ROBO1: variants seen among roughly 807,000 people sequenced by gnomAD.
The protein encoded by ROBO1 is roundabout homolog 1.
A neutral mutation model predicts 195.9 loss-of-function variants in ROBO1; 149 were observed. The observed-to-expected ratio is 0.76, with a 90% CI of 0.67 to 0.87. The LOEUF (loss-of-function observed/expected upper bound fraction) is 0.87, where lower values mean the gene tolerates loss of function less well. Among genes scored for constraint, ROBO1 ranks in the 40% least tolerant of loss-of-function variants. The probability of loss-of-function intolerance (pLI) is 0.00; values close to 1 mark genes in which losing one functional copy is unlikely to be tolerated. For synonymous variants in ROBO1, 816 were observed against 733.2 expected, an observed-to-expected ratio of 1.11 and a Z score of -1.82; for missense variants, 1,933 against 2,068.3, an observed-to-expected ratio of 0.93 and a Z score of 1.27.
At position 78,964,967 on chromosome 3, in the gene ROBO1, CTA is replaced by C. The variant is rs1317529042; in HGVS notation, c.173-26042_173-26041del. 2.6e-5 allele frequency among the ~76,000 whole-genome samples: 4 copies of C among 151,568 alleles called. No homozygotes were observed. In the East Asian group the frequency reaches 7.8e-4, roughly 29 times the overall value. ...ACAGGCATGAGCCACTGCGCCCAGC[CTA>C]TGTTTCACTCTGAGAACGCAAAAAA... On this transcript the variant is annotated intron_variant, in intron 3 of 30. Coordinates refer to ENST00000464233, the MANE Select transcript of ROBO1 (RefSeq NM_002941.4).
chr3:79,505,619 A>G (rs543253975), intron 2 of ROBO1, among the ~76,000 whole-genome samples: 69 of 152,314 alleles, frequency 4.5e-4, no homozygotes, highest in Non-Finnish European at 8.1e-4. Context: ...GAAAGCTTAC[A>G]ATACTTTGCA....
At chr3:79,688,915 A>G (rs1947217463) in intron 1 of ROBO1, among the ~76,000 whole-genome samples, 1 of 152,070 alleles carries the variant, frequency 6.6e-6, no homozygotes. Flanking sequence ...CAAATTATCT[A>G]CAATTTATCA....
chr3:78,760,668 G>T (rs924528693), intron 4 of ROBO1, among the ~76,000 whole-genome samples: 1 of 152,190 alleles, frequency 6.6e-6, no homozygotes, highest in Admixed American at 6.5e-5. Flanking sequence ...TTGAGTCAGG[G>T]TCTTGCTCTG....
At chr3:79,763,621 C>A (rs1447507387) in intron 1 of ROBO1, among the ~76,000 whole-genome samples, 1 of 152,100 alleles carries the variant, frequency 6.6e-6, no homozygotes. Context: ...GGATCCTTAG[C>A]AGGCATCCTG....
intron 2 of ROBO1, among the ~76,000 whole-genome samples, chr3:79,356,769 C>T (rs989782177): frequency 1.2e-4 from 18 of 152,158 alleles, no homozygotes; most frequent in Admixed American, 9.2e-4. Flanking sequence ...GTTTGTATTT[C>T]CATTTGTAAA....
chr3:79,128,591 T>G (rs1189426959), intron 2 of ROBO1, among the ~76,000 whole-genome samples: 1 of 152,140 alleles, frequency 6.6e-6, no homozygotes, highest in African/African-American at 2.4e-5. Context: ...TTGTACATCC[T>G]ATGTCCTCAA....
chr3:78,737,005 G>A (rs1331260245), intron 5 of ROBO1, among the ~76,000 whole-genome samples: 1 of 152,188 alleles, frequency 6.6e-6, no homozygotes, highest in Non-Finnish European at 1.5e-5. Context: ...TGGGAAAGAA[G>A]TTGATTCATT....
chr3:79,487,864 A>AT (rs1939244921), intron 2 of ROBO1, among the ~76,000 whole-genome samples: 1 of 152,276 alleles, frequency 6.6e-6, no homozygotes, highest in Non-Finnish European at 1.5e-5. Context: ...GATTATTTAT[A>AT]TTTTTTCCCT....
chr3:78,780,076 A>G (rs2083628490), intron 4 of ROBO1, among the ~76,000 whole-genome samples: 1 of 152,088 alleles, frequency 6.6e-6, no homozygotes, highest in South Asian at 2.1e-4. Flanking sequence ...GGACACAGGG[A>G]GAGGAACATC....
chr3:78,932,356 A>C (rs1474105699), intron 4 of ROBO1, among the ~76,000 whole-genome samples: 1 of 152,196 alleles, frequency 6.6e-6, no homozygotes, highest in East Asian at 1.9e-4. Flanking sequence ...CTAGTGTTGA[A>C]ATACTCATCT....
intron 3 of ROBO1, among the ~76,000 whole-genome samples, chr3:79,025,563 G>C (rs1461296443): frequency 6.6e-6 from 1 of 152,046 alleles, no homozygotes; most frequent in Non-Finnish European, 1.5e-5. Flanking sequence ...TTTGAAAAAT[G>C]CTTCTTTAGT....
chr3:79,649,975 A>C (rs1268264037), intron 1 of ROBO1, among the ~76,000 whole-genome samples: 1 of 152,122 alleles, frequency 6.6e-6, no homozygotes, highest in Non-Finnish European at 1.5e-5. Flanking sequence ...TTTATGTGAA[A>C]AAAAATAGAT....
At chr3:79,212,112 C>T (rs2081975566) in intron 2 of ROBO1, among the ~76,000 whole-genome samples, 1 of 152,208 alleles carries the variant, frequency 6.6e-6, no homozygotes, top group Non-Finnish European at 1.5e-5. Context: ...TTTAAGAACG[C>T]CTTTAAGCAG....
At chr3:79,270,472 G>C (rs1164793474) in intron 2 of ROBO1, among the ~76,000 whole-genome samples, 1 of 151,160 alleles carries the variant, frequency 6.6e-6, no homozygotes, top group African/African-American at 2.4e-5. Flanking sequence ...GAGTGGCTCA[G>C]TAAAGACTGC....
intron 1 of ROBO1, among the ~76,000 whole-genome samples, chr3:79,608,976 G>A (rs1031267401): frequency 6.6e-6 from 1 of 151,858 alleles, no homozygotes. Flanking sequence ...GTGTTACCTA[G>A]GTTGTTCTTC....
chr3:78,945,691 G>A (rs1352130343), intron 3 of ROBO1, among the ~76,000 whole-genome samples: 1 of 152,168 alleles, frequency 6.6e-6, no homozygotes, highest in African/African-American at 2.4e-5. Flanking sequence ...CAAATTGAGA[G>A]AAGAAGGCTT....
At chr3:79,243,031 T>C (rs1024714992) in intron 2 of ROBO1, among the ~76,000 whole-genome samples, 1 of 135,106 alleles carries the variant, frequency 7.4e-6, no homozygotes, top group African/African-American at 2.8e-5. Flanking sequence ...CCCCTTCCTG[T>C]GTCCATGTGT....
In ROBO1 at chr3:78,651,685, A is replaced by C. The variant is rs569411070; in HGVS notation, c.2812+47T>G. The C allele has an allele frequency of 1.7e-5, 23 of 1,375,622 alleles. 1 individual carries two copies. The East Asian group carries it at 5.9e-4, about 35-fold the overall frequency. The allele number at this position is 1,375,622 out of a possible 1,614,324, so 85.2% of individuals were successfully genotyped here. A position where few individuals can be genotyped will look rare whatever the true frequency, so the allele number is the denominator to read the frequency against. On this transcript the variant is annotated intron_variant, in intron 19 of 30. Coordinates refer to ENST00000464233, the MANE Select transcript of ROBO1 (RefSeq NM_002941.4). ...AATTTGGAATCAAATATTAAAATCA[A>C]GAGTTTTATAAACATTAAAATATGA...
At chr3:78,781,953 G>C (rs2083689585) in intron 4 of ROBO1, among the ~76,000 whole-genome samples, 3 of 152,008 alleles carry the variant, frequency 2.0e-5, no homozygotes, top group Admixed American at 1.3e-4. Context: ...CATCCAAAAA[G>C]TCTAAAATTA....
Sources: allele counts gnomAD v4.1 joint callset (sites outside exome capture counted in the v4.1 genomes callset), GRCh38; gene constraint gnomAD v4.1.1; transcripts MANE v1.5; gene names NCBI Gene and HGNC (gene_info 2026-07-23, HGNC 2026-07-21).